The following IL1RAPL2 variants were observed in gnomAD, a reference collection of about 807,000 sequenced individuals.
IL1RAPL2 encodes interleukin 1 receptor accessory protein like 2.
In IL1RAPL2, 3 loss-of-function variants were observed where a neutral mutation model predicts 44.1. The observed-to-expected ratio is 0.07, with a 90% CI of 0.03 to 0.18. The LOEUF (loss-of-function observed/expected upper bound fraction) is 0.18. IL1RAPL2 is among the 10% of genes least tolerant of loss of function. IL1RAPL2 has a pLI of 1.00. For synonymous variants in IL1RAPL2, 181 were observed against 178.8 expected, an observed-to-expected ratio of 1.01 and a Z score of -0.10; for missense variants, 391 against 496.4, an observed-to-expected ratio of 0.79 and a Z score of 2.02.
chrX:104,592,720 C>A (rs996272311), intron 1 of IL1RAPL2, among the ~76,000 whole-genome samples: 1 of 111,654 alleles, frequency 9.0e-6, no homozygotes, highest in Non-Finnish European at 1.9e-5. Flanking sequence ...TTTCCCCAGA[C>A]CCTCAAATTC....
intron 6 of IL1RAPL2, among the ~76,000 whole-genome samples, chrX:105,500,844 G>A (rs1049270624): frequency 2.7e-5 from 3 of 111,136 alleles, no homozygotes; most frequent in African/African-American, 6.5e-5. Context: ...ACAACCTCCT[G>A]GCAAACATTT....
intron 1 of IL1RAPL2, among the ~76,000 whole-genome samples, chrX:104,633,553 T>C (rs1020137947): frequency 1.8e-5 from 2 of 111,996 alleles, no homozygotes; most frequent in African/African-American, 6.5e-5. Flanking sequence ...TTCAGCTTCT[T>C]CCTGGTTTAG....
chrX:105,475,463 C>T (rs751573567), intron 5 of IL1RAPL2, among the ~76,000 whole-genome samples: 4 of 111,009 alleles, frequency 3.6e-5, no homozygotes, highest in Non-Finnish European at 7.5e-5. Flanking sequence ...CACCCATCTC[C>T]CATGTTTAAC....
chrX:105,670,938 T>C (rs2037819662), intron 6 of IL1RAPL2, among the ~76,000 whole-genome samples: 1 of 107,033 alleles, frequency 9.3e-6, no homozygotes, highest in African/African-American at 3.4e-5. Flanking sequence ...TAATATATAA[T>C]ATATAATATT....
chrX:105,700,639 G>C (rs184047745), intron 6 of IL1RAPL2, among the ~76,000 whole-genome samples: 2 of 110,904 alleles, frequency 1.8e-5, no homozygotes, highest in East Asian at 2.9e-4. Context: ...CGTTGTTTTT[G>C]TTTTAAACAT....
chrX:104,872,438 C>A (rs910067184), intron 2 of IL1RAPL2, among the ~76,000 whole-genome samples: 1 of 111,717 alleles, frequency 9.0e-6, no homozygotes, highest in Non-Finnish European at 1.9e-5. Context: ...TGAAGGGAGC[C>A]CATGGACATG....
intron 2 of IL1RAPL2, among the ~76,000 whole-genome samples, chrX:104,731,881 T>C (rs889176725): frequency 8.9e-6 from 1 of 111,892 alleles, no homozygotes; most frequent in Admixed American, 9.5e-5. Flanking sequence ...ACTTTTTCTT[T>C]TGAGTTACAT....
intron 2 of IL1RAPL2, among the ~76,000 whole-genome samples, chrX:105,112,133 C>T (rs1484998639): frequency 9.0e-6 from 1 of 111,723 alleles, no homozygotes; most frequent in East Asian, 2.8e-4. Context: ...TGGGAGAACA[C>T]CCTTTTCTGA....
intron 6 of IL1RAPL2, among the ~76,000 whole-genome samples, chrX:105,595,862 GA>G (rs2037205607): frequency 9.0e-6 from 1 of 111,049 alleles, no homozygotes; most frequent in Admixed American, 9.7e-5. Flanking sequence ...GTCTGTTAAG[GA>G]TTTCTATTTC....
intron 5 of IL1RAPL2, among the ~76,000 whole-genome samples, chrX:105,310,147 T>A (rs994024406): frequency 3.6e-5 from 4 of 111,742 alleles, no homozygotes; most frequent in South Asian, 7.5e-4. Context: ...GAATTTTTTT[T>A]ATAGATTTAG....
rs1379793361 is a variant in IL1RAPL2 at position 104,837,646 on chromosome X, G to T, written c.82+178651G>T. Among the ~76,000 whole-genome samples, 3 of 111,769 alleles carry T rather than the reference G, an allele frequency of 2.7e-5. No homozygotes were observed. In the Admixed American group the frequency reaches 2.9e-4, roughly 11 times the overall value. ...ATATTAGACCTTTGTCCAATGGGTA[G>T]ATTGCAAAAATTTTCTCCCATTCTG... On this transcript the variant is annotated intron_variant, in intron 2 of 10. Coordinates refer to ENST00000372582, the MANE Select transcript of IL1RAPL2 (RefSeq NM_017416.2).
intron 2 of IL1RAPL2, among the ~76,000 whole-genome samples, chrX:104,891,533 A>G (rs1291023075): frequency 9.0e-6 from 1 of 111,411 alleles, no homozygotes; most frequent in Non-Finnish European, 1.9e-5. Context: ...TTGGATTCCT[A>G]GGTACTTTAT....
At chrX:105,448,868 C>T (rs969321807) in intron 5 of IL1RAPL2, among the ~76,000 whole-genome samples, 5 of 110,953 alleles carry the variant, frequency 4.5e-5, no homozygotes, top group Non-Finnish European at 9.4e-5. Flanking sequence ...ATTTTATTTT[C>T]ATCTCTAGAA....
chrX:105,233,667 A>G (rs1176267739), intron 3 of IL1RAPL2, 151 bp from the exon 4 acceptor site: 3 of 443,037 alleles, frequency 6.8e-6, no homozygotes, highest in Non-Finnish European at 1.2e-5. Context: ...AGTCAGTTGC[A>G]GCATAAAACT....
intron 2 of IL1RAPL2, among the ~76,000 whole-genome samples, chrX:105,043,965 A>T (rs1453073988): frequency 8.9e-6 from 1 of 112,069 alleles, no homozygotes; most frequent in Non-Finnish European, 1.9e-5. Context: ...TATTTTAATT[A>T]TATATTCCTG....
At chrX:105,531,597 G>C (rs1296863401) in intron 6 of IL1RAPL2, among the ~76,000 whole-genome samples, 1 of 111,889 alleles carries the variant, frequency 8.9e-6, no homozygotes, top group Non-Finnish European at 1.9e-5. Flanking sequence ...TTGGTTGCCT[G>C]TGCTTGTGGG....
intron 2 of IL1RAPL2, among the ~76,000 whole-genome samples, chrX:104,899,042 C>CA (rs768063020): frequency 5.4e-5 from 6 of 111,787 alleles, no homozygotes; most frequent in Non-Finnish European, 1.1e-4. Context: ...ATTGCTATTC[C>CA]AATTGCTTGT....
intron 3 of IL1RAPL2, among the ~76,000 whole-genome samples, chrX:105,222,444 G>T (rs940216498): frequency 8.9e-6 from 1 of 111,936 alleles, no homozygotes; most frequent in African/African-American, 3.2e-5. Context: ...GCTGTTTTGT[G>T]ATTTCTTTCC....
chrX:104,960,989 A>G (rs192977750), intron 2 of IL1RAPL2, among the ~76,000 whole-genome samples: 28 of 111,932 alleles, frequency 2.5e-4, no homozygotes, highest in African/African-American at 7.5e-4. Flanking sequence ...AGCATACACA[A>G]ATTAAAATGA....
Sources: allele counts gnomAD v4.1 joint callset (sites outside exome capture counted in the v4.1 genomes callset), GRCh38; gene constraint gnomAD v4.1.1; transcripts MANE v1.5; gene names NCBI Gene and HGNC (gene_info 2026-07-23, HGNC 2026-07-21).